Variants in PIBF1 observed in about 807,000 individuals in gnomAD.
The protein encoded by PIBF1 is progesterone-induced-blocking factor 1.
In PIBF1, 90 loss-of-function variants were observed where a neutral mutation model predicts 112.5. That is an observed-to-expected ratio of 0.80 (90% CI 0.67 to 0.95). The LOEUF is 0.95. Among genes scored for constraint, PIBF1 ranks in the 40% least tolerant of loss-of-function variants. The pLI is 0.00. For missense variants in PIBF1, 915 were observed against 852.3 expected, an observed-to-expected ratio of 1.07 and a Z score of -0.92; for synonymous variants, 301 against 288.6, an observed-to-expected ratio of 1.04 and a Z score of -0.44.
chr13:72,879,858 G>C (rs2039550946), intron 10 of PIBF1, among the ~76,000 whole-genome samples: 1 of 152,206 alleles, frequency 6.6e-6, no homozygotes, highest in African/African-American at 2.4e-5. Context: ...GTAGATGTTA[G>C]TGTATATAAA....
intron 14 of PIBF1, among the ~76,000 whole-genome samples, chr13:72,957,898 G>A (rs759968978): frequency 2.0e-5 from 3 of 152,178 alleles, no homozygotes; most frequent in African/African-American, 7.2e-5. Context: ...GTTGCAGTGA[G>A]CCGTGATTGC....
At chr13:72,999,611 C>G (rs1175522909) in intron 17 of PIBF1, among the ~76,000 whole-genome samples, 1 of 152,062 alleles carries the variant, frequency 6.6e-6, no homozygotes, top group Non-Finnish European at 1.5e-5. Flanking sequence ...TTTTTTAACT[C>G]CCAAGTTGAA....
intron 8 of PIBF1, among the ~76,000 whole-genome samples, chr13:72,829,948 A>G (rs1436302139): frequency 3.3e-5 from 5 of 152,210 alleles, no homozygotes; most frequent in African/African-American, 1.2e-4. Context: ...GTCCTCGCTT[A>G]TTTCTTTGAG....
intron 16 of PIBF1, among the ~76,000 whole-genome samples, chr13:72,994,530 A>C (rs1156664832): frequency 1.3e-5 from 2 of 152,202 alleles, no homozygotes; most frequent in Non-Finnish European, 2.9e-5. Context: ...TTCTGTAGTC[A>C]CATTCTCTGC....
At chr13:72,900,481 A>G (rs2040443377) in intron 11 of PIBF1, among the ~76,000 whole-genome samples, 1 of 152,160 alleles carries the variant, frequency 6.6e-6, no homozygotes, top group Non-Finnish European at 1.5e-5. Flanking sequence ...TGACAAAGCA[A>G]ACAAAAACAA....
intron 11 of PIBF1, among the ~76,000 whole-genome samples, chr13:72,900,661 C>A (rs1566424528): frequency 6.6e-6 from 1 of 152,152 alleles, no homozygotes; most frequent in South Asian, 2.1e-4. Context: ...AACCTAACAT[C>A]AGAAAACCCT....
intron 9 of PIBF1, among the ~76,000 whole-genome samples, chr13:72,851,320 C>T (rs1036578493): frequency 4.6e-5 from 7 of 152,248 alleles, no homozygotes; most frequent in Non-Finnish European, 7.3e-5. Context: ...TGCCTGTTCC[C>T]GCTGCCTGAC....
intron 15 of PIBF1, among the ~76,000 whole-genome samples, chr13:72,968,908 G>A (rs1179918423): frequency 6.6e-6 from 1 of 151,852 alleles, no homozygotes; most frequent in Non-Finnish European, 1.5e-5. Context: ...CAGTGTGATG[G>A]CACGCTTCTG....
At position 72,886,365 on chromosome 13, in the gene PIBF1, A is replaced by C. The variant is rs185935274; in HGVS notation, c.1323-7419A>C. On this transcript the variant is annotated intron_variant, in intron 10 of 17. Transcript: ENST00000326291. The stretch of plus-strand genomic sequence containing the variant: ...GGAGGATAATTCAAGCTGAATTTTA[A>C]GGGTTTGTTGTCATGTTGACACAAA... Among the ~76,000 whole-genome samples the C allele has an allele frequency of 9.2e-5, 14 of 152,000 alleles. No homozygotes were observed. The East Asian group carries it at 2.7e-3, about 30-fold the overall frequency.
intron 5 of PIBF1, among the ~76,000 whole-genome samples, chr13:72,818,668 C>CAGT (rs2036404660): frequency 7.3e-6 from 1 of 137,914 alleles, no homozygotes; most frequent in East Asian, 2.1e-4. Context: ...ACCATGTTAT[C>CAGT]AGTCTTAAAC....
intron 14 of PIBF1, among the ~76,000 whole-genome samples, chr13:72,932,163 A>G (rs1434328773): frequency 6.6e-6 from 1 of 151,922 alleles, no homozygotes; most frequent in East Asian, 1.9e-4. Context: ...AGGCTAGTCT[A>G]GAACTTCTGG....
chr13:72,988,492 A>G (rs2043375942), intron 16 of PIBF1, among the ~76,000 whole-genome samples: 1 of 152,162 alleles, frequency 6.6e-6, no homozygotes, highest in African/African-American at 2.4e-5. Flanking sequence ...TGCAGTACAA[A>G]ATCTGTTTTG....
At chr13:72,949,018 A>G (rs560296600) in intron 14 of PIBF1, among the ~76,000 whole-genome samples, 10 of 152,338 alleles carry the variant, frequency 6.6e-5, no homozygotes, top group Non-Finnish European at 1.3e-4. Context: ...GAATCAAAGA[A>G]TTCACAAAAA....
At chr13:72,907,327 A>T (rs2040735613) in intron 11 of PIBF1, among the ~76,000 whole-genome samples, 1 of 151,924 alleles carries the variant, frequency 6.6e-6, no homozygotes, top group African/African-American at 2.4e-5. Context: ...CACAGAAAAC[A>T]TATAATCATA....
At chr13:72,981,883 T>G (rs2043166144) in intron 16 of PIBF1, among the ~76,000 whole-genome samples, 1 of 152,192 alleles carries the variant, frequency 6.6e-6, no homozygotes, top group African/African-American at 2.4e-5. Flanking sequence ...CTTCTACATT[T>G]TGAAATACTA....
intron 14 of PIBF1, among the ~76,000 whole-genome samples, chr13:72,955,825 T>A (rs773303475): frequency 7.9e-5 from 12 of 152,172 alleles, no homozygotes; most frequent in Non-Finnish European, 1.6e-4. Context: ...AGTCCCTGTC[T>A]CATAAAGCCC....
intron 10 of PIBF1, among the ~76,000 whole-genome samples, chr13:72,892,598 T>TA (rs2138562976): frequency 6.6e-6 from 1 of 152,208 alleles, no homozygotes; most frequent in South Asian, 2.1e-4. Context: ...AGTGTGTTCC[T>TA]ATTAAAGAAA....
chr13:72,841,813 C>T (rs2037623253), intron 9 of PIBF1, among the ~76,000 whole-genome samples: 1 of 151,922 alleles, frequency 6.6e-6, no homozygotes, highest in South Asian at 2.1e-4. Context: ...TTTAGGGTGG[C>T]CCGTGAGGTC....
intron 5 of PIBF1, among the ~76,000 whole-genome samples, chr13:72,820,634 C>G (rs954198204): frequency 2.6e-5 from 4 of 152,166 alleles, no homozygotes; most frequent in African/African-American, 4.8e-5. Context: ...AATCGTCTTA[C>G]TCATCTTTGT....
Sources: allele counts gnomAD v4.1 joint callset (sites outside exome capture counted in the v4.1 genomes callset), GRCh38; gene constraint gnomAD v4.1.1; transcripts MANE v1.5; gene names NCBI Gene and HGNC (gene_info 2026-07-23, HGNC 2026-07-21).